SGCZ: variants seen among roughly 807,000 people sequenced by gnomAD.
SGCZ encodes the protein zeta-sarcoglycan.
SGCZ carries 40 observed loss-of-function variants against 41.3 expected under a neutral mutation model. The observed-to-expected ratio is 0.97, with a 90% CI of 0.75 to 1.26. The LOEUF (loss-of-function observed/expected upper bound fraction) is 1.26, where lower values mean the gene tolerates loss of function less well. Ranked by LOEUF, SGCZ falls within the 50% of genes most tolerant of loss-of-function variation. The pLI is 0.00. For missense variants in SGCZ, 552 were observed against 369.8 expected, an observed-to-expected ratio of 1.49 and a Z score of -4.04; for synonymous variants, 206 against 137.5, an observed-to-expected ratio of 1.50 and a Z score of -3.49.
chr8:14,146,890 A>AAAAAAAAAAT lies in SGCZ; in HGVS notation c.547+17689_547+17690insATTTTTTTTT, dbSNP rs1182329393. On this transcript the variant is annotated intron_variant, in intron 5 of 7. Coordinates refer to ENST00000382080, the MANE Select transcript of SGCZ (RefSeq NM_139167.4). Reference sequence around the variant, plus strand: ...CCGTCTCAAAAAATAAAAATAAAAAAAATAATAATAATAATAACTACAGCA... The same window carrying AAAAAAAAAAT: ...CCGTCTCAAAAAATAAAAATAAAAAAAAAAAAAAATAATAATAATAATAATAACTACAGCA... Among the ~76,000 whole-genome samples, 93 of 116,212 alleles carry AAAAAAAAAAT rather than the reference A, an allele frequency of 8.0e-4. 2 individuals are homozygous for AAAAAAAAAAT. Among genetic ancestry groups the AAAAAAAAAAT allele is most frequent in the Middle Eastern group, 5.2e-3 (1 of 194 alleles). 76.2% of individuals were successfully genotyped at this position (116,212 alleles called of 152,430 possible).
chr8:14,294,022 T>C (rs1800932121), intron 3 of SGCZ, among the ~76,000 whole-genome samples: 1 of 151,882 alleles, frequency 6.6e-6, no homozygotes. Flanking sequence ...AACACTATTT[T>C]TTCTAGATGG....
intron 3 of SGCZ, among the ~76,000 whole-genome samples, chr8:14,283,461 G>C (rs1026920120): frequency 9.2e-5 from 14 of 151,722 alleles, no homozygotes; most frequent in Non-Finnish European, 1.2e-4. Context: ...GTCATTATCC[G>C]TATGTGCTCT....
intron 1 of SGCZ, among the ~76,000 whole-genome samples, chr8:14,759,552 C>A (rs1240710012): frequency 6.6e-6 from 1 of 152,092 alleles, no homozygotes; most frequent in Admixed American, 6.5e-5. Context: ...ATGGAGTAAA[C>A]AGTCTCTAAT....
chr8:14,747,816 G>T (rs894274552), intron 1 of SGCZ, among the ~76,000 whole-genome samples: 5 of 149,336 alleles, frequency 3.3e-5, no homozygotes, highest in East Asian at 2.0e-4. Context: ...ACGTTCAATC[G>T]ATTCTCCTGC....
chr8:14,207,730 G>A (rs1317424865), intron 4 of SGCZ, among the ~76,000 whole-genome samples: 1 of 152,224 alleles, frequency 6.6e-6, no homozygotes, highest in Non-Finnish European at 1.5e-5. Flanking sequence ...AACACCTCAA[G>A]AAGGAATATT....
intron 1 of SGCZ, among the ~76,000 whole-genome samples, chr8:15,010,091 T>C (rs900521241): frequency 2.0e-5 from 3 of 152,124 alleles, no homozygotes; most frequent in Non-Finnish European, 2.9e-5. Flanking sequence ...GAAATAGTCA[T>C]CTCCTAGCAA....
intron 1 of SGCZ, among the ~76,000 whole-genome samples, chr8:14,715,093 G>T (rs754477785): frequency 1.3e-5 from 2 of 151,988 alleles, no homozygotes; most frequent in Non-Finnish European, 2.9e-5. Context: ...AAACAAAAAG[G>T]GAAAAGAACA....
At chr8:14,262,610 T>A (rs1286565149) in intron 3 of SGCZ, among the ~76,000 whole-genome samples, 1 of 151,810 alleles carries the variant, frequency 6.6e-6, no homozygotes, top group Non-Finnish European at 1.5e-5. Context: ...ATATATATAA[T>A]CTACATTGTA....
At chr8:14,214,445 G>T (rs1262579156) in intron 4 of SGCZ, among the ~76,000 whole-genome samples, 1 of 151,956 alleles carries the variant, frequency 6.6e-6, no homozygotes, top group Non-Finnish European at 1.5e-5. Context: ...TATCAATATT[G>T]GTCCATCAAT....
chr8:14,671,811 C>T (rs4144411), intron 1 of SGCZ, among the ~76,000 whole-genome samples: 78,799 of 151,790 alleles, frequency 0.52, 21,406 homozygotes, highest in East Asian at 0.74. Flanking sequence ...ATTTTAATTC[C>T]GTATTGAATA....
At chr8:14,837,200 C>T (rs1802728253) in intron 1 of SGCZ, among the ~76,000 whole-genome samples, 1 of 152,062 alleles carries the variant, frequency 6.6e-6, no homozygotes, top group South Asian at 2.1e-4. Context: ...AATATGTGCA[C>T]CAGTCAAGGC....
intron 2 of SGCZ, among the ~76,000 whole-genome samples, chr8:14,329,270 T>C (rs1802231741): frequency 1.3e-5 from 2 of 152,204 alleles, no homozygotes. Context: ...CCCAAATGTG[T>C]ATTTTATAAA....
chr8:15,016,902 C>T (rs1367645302), intron 1 of SGCZ, among the ~76,000 whole-genome samples: 3 of 152,052 alleles, frequency 2.0e-5, no homozygotes, highest in East Asian at 1.9e-4. Flanking sequence ...ATGTGCCAGG[C>T]TCTTTTTAAC....
chr8:14,456,384 C>A (rs535254591), intron 2 of SGCZ, among the ~76,000 whole-genome samples: 1 of 151,656 alleles, frequency 6.6e-6, no homozygotes, highest in Non-Finnish European at 1.5e-5. Flanking sequence ...CTCCAGCCTG[C>A]GCAAGAAGAG....
chr8:14,931,426 C>A (rs1799919935), intron 1 of SGCZ, among the ~76,000 whole-genome samples: 1 of 151,916 alleles, frequency 6.6e-6, no homozygotes, highest in East Asian at 1.9e-4. Flanking sequence ...TTACATTGCA[C>A]CTTGGATATA....
chr8:15,217,574 GC>G (rs951760261), intron 1 of SGCZ, among the ~76,000 whole-genome samples: 20 of 150,698 alleles, frequency 1.3e-4, no homozygotes, highest in East Asian at 3.9e-4. Context: ...CAAGATTCTT[GC>G]CCCCCCTTGT....
At chr8:14,554,437 G>A (rs1803967690) in intron 2 of SGCZ, among the ~76,000 whole-genome samples, 2 of 152,000 alleles carry the variant, frequency 1.3e-5, no homozygotes, top group Non-Finnish European at 1.5e-5. Context: ...GACACAGTAA[G>A]TAATAGTTCA....
chr8:14,926,768 G>C (rs999872014), intron 1 of SGCZ, among the ~76,000 whole-genome samples: 8 of 152,112 alleles, frequency 5.3e-5, no homozygotes, highest in African/African-American at 1.9e-4. Flanking sequence ...AGCCTCCCAA[G>C]TAGCTGGGAT....
intron 2 of SGCZ, among the ~76,000 whole-genome samples, chr8:14,386,111 T>C (rs1563295533): frequency 1.3e-5 from 2 of 152,148 alleles, no homozygotes; most frequent in South Asian, 2.1e-4. Context: ...TGGTTGAATA[T>C]ATAAATGCAG....
Sources: allele counts gnomAD v4.1 joint callset (sites outside exome capture counted in the v4.1 genomes callset), GRCh38; gene constraint gnomAD v4.1.1; transcripts MANE v1.5; gene names NCBI Gene and HGNC (gene_info 2026-07-23, HGNC 2026-07-21).